The following YES1 variants were observed in gnomAD, a reference collection of about 807,000 sequenced individuals.
The protein encoded by YES1 is YES proto-oncogene 1, Src family tyrosine kinase.
YES1 carries 39 observed loss-of-function variants against 70.4 expected under a neutral mutation model. The observed-to-expected ratio is 0.55, with a 90% CI of 0.43 to 0.72. The LOEUF is 0.72. YES1 is among the 30% of genes least tolerant of loss of function. The pLI is 0.00. For synonymous variants in YES1, 198 were observed against 218.6 expected (o/e 0.91, Z 0.83); for missense variants, 495 against 644.8 (o/e 0.77, Z 2.52).
intron 4 of YES1, 23 bp downstream of exon 4, chr18:747,897 T>C (rs2080298814): frequency 3.7e-6 from 6 of 1,602,938 alleles, no homozygotes; most frequent in Non-Finnish European, 4.3e-6. Context: ...AAATAATTAA[T>C]AAAATATGAA....
intron 2 of YES1, among the ~76,000 whole-genome samples, chr18:752,215 C>T (rs894063180): frequency 3.3e-5 from 5 of 152,200 alleles, no homozygotes; most frequent in African/African-American, 4.8e-5. Context: ...TCAAGTGATT[C>T]TCATGCCTCA....
chr18:747,485 G>T (rs1431610179), intron 4 of YES1, among the ~76,000 whole-genome samples: 1 of 152,036 alleles, frequency 6.6e-6, no homozygotes, highest in Non-Finnish European at 1.5e-5. Flanking sequence ...AAAGAAGAAT[G>T]TAAGTCTTGG....
intron 8 of YES1, among the ~76,000 whole-genome samples, chr18:740,881 A>G (rs1158172773): frequency 6.6e-6 from 1 of 152,096 alleles, no homozygotes; most frequent in African/African-American, 2.4e-5. Context: ...TTATGTTCCA[A>G]TATCTTTTTT....
chr18:800,416 C>T (rs115585926), intron 1 of YES1, among the ~76,000 whole-genome samples: 1,672 of 152,276 alleles, frequency 0.011, 37 homozygotes, highest in African/African-American at 0.038. Flanking sequence ...AACAGCAGTT[C>T]GAAACCTATC....
rs1904631568 is a variant in YES1 at position 762,251 on chromosome 18, C to T, written c.-8-5416G>A. On this transcript the variant is annotated intron_variant, in intron 1 of 11. Transcript: ENST00000314574. ...AGGAGAATCGCTTGAACCCAGGAGG[C>T]AGAGGCTGCGGTGAGCCGAGATTGC... 2.0e-5 allele frequency among the ~76,000 whole-genome samples: 3 copies of T among 152,206 alleles called. No individual in the cohort carries two copies. The South Asian group carries it at 6.2e-4, about 32-fold the overall frequency.
At position 765,134 on chromosome 18, in the gene YES1, A is replaced by G. The variant is rs539975023; in HGVS notation, c.-8-8299T>C. Among the ~76,000 whole-genome samples, 39 of 151,190 alleles carry G rather than the reference A, an allele frequency of 2.6e-4. 1 individual carries two copies. In the South Asian group the frequency reaches 7.7e-3, roughly 30 times the overall value. On this transcript the variant is annotated intron_variant, in intron 1 of 11. Transcript: ENST00000314574. Reference sequence around the variant, plus strand: ...TGTTGGAGGACACCTACATACAAGCATAAGACAGGGAGAGAAATTAGGAAG... The same window carrying G: ...TGTTGGAGGACACCTACATACAAGCGTAAGACAGGGAGAGAAATTAGGAAG...
At chr18:791,254 A>T (rs923525590) in intron 1 of YES1, among the ~76,000 whole-genome samples, 1 of 151,246 alleles carries the variant, frequency 6.6e-6, no homozygotes, top group African/African-American at 2.4e-5. Context: ...TGAAGAAGAA[A>T]AAAAAAAGAA....
intron 1 of YES1, among the ~76,000 whole-genome samples, chr18:763,666 T>G (rs566525412): frequency 2.7e-4 from 36 of 133,004 alleles, no homozygotes; most frequent in African/African-American, 9.9e-4. Context: ...ATCGTGCCAC[T>G]GCACTCCATC....
chr18:772,036 T>G (rs1251618413), intron 1 of YES1, among the ~76,000 whole-genome samples: 3 of 148,018 alleles, frequency 2.0e-5, no homozygotes, highest in Non-Finnish European at 4.5e-5. Flanking sequence ...CATGTTCAAG[T>G]TTTTTTTTTG....
In YES1 at chr18:756,853, T is replaced by C; in HGVS notation, c.-8-18A>G. On this transcript the variant is annotated intron_variant, in intron 1 of 11. Transcript: ENST00000314574. Reference sequence around the variant, plus strand: ...TATCAAATCTACAGAGACAATAAAATATTTTGAGAGTCAGTTAACACACAG... The same window carrying C: ...TATCAAATCTACAGAGACAATAAAACATTTTGAGAGTCAGTTAACACACAG... 1 of 1,600,354 alleles carries C rather than the reference T, an allele frequency of 6.2e-7. No homozygotes were observed. Among genetic ancestry groups the C allele is most frequent in the Non-Finnish European group, 8.5e-7 (1 of 1,172,586 alleles).
chr18:733,093 C>A, intron 10 of YES1, 128 bp from the exon 11 acceptor site: 2 of 808,738 alleles, frequency 2.5e-6, no homozygotes, highest in Middle Eastern at 3.5e-4. Context: ...TTTAAATGTA[C>A]AAGATACATG....
intron 1 of YES1, among the ~76,000 whole-genome samples, chr18:761,182 G>C (rs1425142058): frequency 6.6e-6 from 1 of 151,470 alleles, no homozygotes; most frequent in African/African-American, 2.4e-5. Context: ...CTGGGAGGGG[G>C]AAAGGTCTAC....
intron 1 of YES1, among the ~76,000 whole-genome samples, chr18:764,769 G>T (rs939804691): frequency 1.3e-5 from 2 of 152,050 alleles, no homozygotes; most frequent in East Asian, 1.9e-4. Flanking sequence ...GTCTCGTTCT[G>T]TCACCCAGGC....
chr18:783,858 C>T (rs568493487), intron 1 of YES1, among the ~76,000 whole-genome samples: 22 of 152,308 alleles, frequency 1.4e-4, no homozygotes, highest in South Asian at 1.2e-3. Context: ...AGGTGATCCA[C>T]CTGGCTCAGC....
At chr18:736,774 C>T in intron 10 of YES1, 34 bp downstream of exon 10, 1 of 1,599,992 alleles carries the variant, frequency 6.3e-7, no homozygotes, top group Non-Finnish European at 8.5e-7. Context: ...AAACACACAA[C>T]ACATTACAAG....
rs1353565014 is a variant in YES1 at position 793,789 on chromosome 18, GATCT to G, written c.-9+18321_-9+18324del. On this transcript the variant is annotated intron_variant, in intron 1 of 11. Coordinates refer to ENST00000314574, the MANE Select transcript of YES1 (RefSeq NM_005433.4). ...AAAGTAGTACTCAACAAATGATAGG[GATCT>G]ATCAAAAGTACATAGGAACTAGTTT... 2.0e-5 allele frequency among the ~76,000 whole-genome samples: 3 copies of G among 152,072 alleles called. No individual in the cohort carries two copies. In the East Asian group the frequency reaches 5.8e-4, roughly 29 times the overall value.
chr18:799,885 AAAAC>A (rs897314399), intron 1 of YES1, among the ~76,000 whole-genome samples: 3 of 152,120 alleles, frequency 2.0e-5, no homozygotes, highest in East Asian at 1.9e-4. Flanking sequence ...ACTCTGTCTC[AAAAC>A]AAACAAACAA....
At chr18:804,056 C>A (rs957208180) in intron 1 of YES1, among the ~76,000 whole-genome samples, 1 of 152,146 alleles carries the variant, frequency 6.6e-6, no homozygotes, top group Non-Finnish European at 1.5e-5. Flanking sequence ...TTTTACAAAC[C>A]TTAAAAGGCT....
intron 1 of YES1, among the ~76,000 whole-genome samples, chr18:780,381 A>G (rs1430838409): frequency 2.6e-5 from 4 of 152,190 alleles, no homozygotes; most frequent in Admixed American, 2.6e-4. Flanking sequence ...TTCATGGGTC[A>G]TCATGGGAGT....
Sources: allele counts gnomAD v4.1 joint callset (sites outside exome capture counted in the v4.1 genomes callset), GRCh38; gene constraint gnomAD v4.1.1; transcripts MANE v1.5; gene names NCBI Gene and HGNC (gene_info 2026-07-23, HGNC 2026-07-21).